Variants in CFAP221 observed in about 807,000 individuals in gnomAD.
CFAP221 encodes cilia- and flagella-associated protein 221.
Under a neutral mutation model 113.1 loss-of-function variants are expected in CFAP221, and 97 were observed. That is an observed-to-expected ratio of 0.86 (90% CI 0.73 to 1.02). The LOEUF (loss-of-function observed/expected upper bound fraction) is 1.02. Ranked by LOEUF, CFAP221 falls within the 50% of genes least tolerant of loss-of-function variation. The probability of loss-of-function intolerance (pLI) is 0.00; values close to 1 mark genes in which losing one functional copy is unlikely to be tolerated. For synonymous variants in CFAP221, 331 were observed against 354.4 expected (o/e 0.93, Z 0.74); for missense variants, 1,025 against 1,013.4 (o/e 1.01, Z -0.16).
At chr2:119,624,720 G>A (rs979241198) in intron 14 of CFAP221, among the ~76,000 whole-genome samples, 1 of 152,198 alleles carries the variant, frequency 6.6e-6, no homozygotes, top group Non-Finnish European at 1.5e-5. Context: ...GTCCTTTGCA[G>A]GGACATGGAT....
rs935442420 is a variant in CFAP221 at position 119,576,945 on chromosome 2, C to A, written c.528-10174C>A. Among the ~76,000 whole-genome samples the A allele has an allele frequency of 1.6e-4, 24 of 152,212 alleles. 1 individual carries two copies. Among genetic ancestry groups the A allele is most frequent in the Admixed American group, 1.4e-3 (21 of 15,278 alleles). ...CTAAAGCTTAAATGAAAATAACTGG[C>A]GAGTTCCCTGACTTTCTTCCTTCTC... On this transcript the variant is annotated intron_variant, in intron 6 of 23. Transcript: ENST00000413369.
Position 119,656,516 on chromosome 2 carries a change from C to A in CFAP221, c.*46C>A. On this transcript the variant is annotated 3_prime_UTR_variant, in exon 24 of 24. Transcript: ENST00000413369. ...CCTTCCATTTGCTTTCCGTGGGCCACTGTGGCCCCTTGCGTCCATTTACAT... is the reference window on the plus strand; with the variant it reads ...CCTTCCATTTGCTTTCCGTGGGCCAATGTGGCCCCTTGCGTCCATTTACAT... 7.3e-7 allele frequency: 1 copy of A among 1,375,056 alleles called. No homozygotes were observed. The highest frequency in any genetic ancestry group is 1.0e-6 in the Non-Finnish European group (1 of 968,872). 85.2% of individuals were successfully genotyped at this position (1,375,056 alleles called of 1,614,324 possible).
intron 14 of CFAP221, among the ~76,000 whole-genome samples, chr2:119,625,380 T>G (rs1686226374): frequency 6.6e-6 from 1 of 152,154 alleles, no homozygotes; most frequent in South Asian, 2.1e-4. Flanking sequence ...ATCTTTTTTG[T>G]ATTCAGGCAA....
chr2:119,587,172 A>G lies in CFAP221; in HGVS notation c.581A>G (p.Tyr194Cys). Residue 194 changes from tyrosine (Y) to cysteine (C), a missense_variant, in exon 7 of 24, where the codon TAT becomes TGT. Physicochemically the swap from Tyr to Cys is radical, Grantham distance 194. Transcript: ENST00000413369. ...QCSCPVDFEF[Y>C]ITLIQSHQAF... is the part of the protein sequence containing the mutation. ...AGCTGCCCTGTAGATTTTGAGTTTTATATCACCTTGATTCAGTCTCATCAA... is the reference window on the plus strand; with the variant it reads ...AGCTGCCCTGTAGATTTTGAGTTTTGTATCACCTTGATTCAGTCTCATCAA... 2.0e-6 allele frequency: 3 copies of G among 1,533,364 alleles called. No homozygotes were observed. The South Asian group carries it at 3.6e-5, about 18-fold the overall frequency. 95.0% of individuals were successfully genotyped at this position (1,533,364 alleles called of 1,614,324 possible).
intron 22 of CFAP221, among the ~76,000 whole-genome samples, chr2:119,651,367 T>C (rs1339875348): frequency 6.6e-6 from 1 of 151,962 alleles, no homozygotes; most frequent in Non-Finnish European, 1.5e-5. Context: ...ATGATTTCTC[T>C]CTTGCTACAA....
intron 6 of CFAP221, chr2:119,572,805 T>A (rs1558924678): frequency 1.9e-6 from 1 of 532,846 alleles, no homozygotes. Context: ...CTGCAGCAAG[T>A]GGACCATGTA....
In CFAP221 at chr2:119,630,772, A is replaced by C. The variant is rs1558979571; in HGVS notation, c.1845A>C (p.Glu615Asp). ...CTGTCCTTGCTCCTTGTTAGGATGA[A>C]GTCACCACCATCACAGCCCTTCCGA... is the stretch of plus-strand genomic sequence containing the variant. The part of the protein sequence containing the change: ...ARALKQGAED[E>D]VTTITALPKQ... Residue 615 changes from glutamate to aspartate, a missense_variant, in exon 19 of 24, where the codon GAA (glutamate) becomes GAC (aspartate). Physicochemically the swap from Glu to Asp is conservative, Grantham distance 45 (BLOSUM62 2). Transcript: ENST00000413369. The C allele has an allele frequency of 1.2e-6, 2 of 1,610,028 alleles. No individual in the cohort carries two copies. The highest frequency in any genetic ancestry group is 1.3e-5 in the African/African-American group (1 of 74,974).
chr2:119,582,021 A>G (rs1286804146), intron 6 of CFAP221, among the ~76,000 whole-genome samples: 1 of 152,222 alleles, frequency 6.6e-6, no homozygotes, highest in African/African-American at 2.4e-5. Flanking sequence ...CAATTAAGGA[A>G]AGATGTGGAG....
In CFAP221 at chr2:119,651,845, CA is replaced by C. The variant is rs549470202; in HGVS notation, c.2319-125del. ...CTTATGCTTCTTTTAATGTAAACAA[CA>C]AAAGTAGATGGAACTAAAGTTGAAT... On this transcript the variant is annotated intron_variant, in intron 22 of 23. Coordinates refer to ENST00000413369, the MANE Select transcript of CFAP221 (RefSeq NM_001271049.2). The C allele has an allele frequency of 1.5e-4, 93 of 621,888 alleles. No individual in the cohort carries two copies. The South Asian group carries it at 2.9e-3, about 19-fold the overall frequency. The allele number at this position is 621,888 out of a possible 1,614,324, so 38.5% of individuals were successfully genotyped here.
At chr2:119,569,164 C>T (rs1306187270) in intron 6 of CFAP221, among the ~76,000 whole-genome samples, 1 of 151,940 alleles carries the variant, frequency 6.6e-6, no homozygotes, top group Non-Finnish European at 1.5e-5. Flanking sequence ...GATGGAGTCT[C>T]GCTCTGTCAC....
chr2:119,588,257 G>T (rs983938082), intron 7 of CFAP221, among the ~76,000 whole-genome samples: 1 of 152,178 alleles, frequency 6.6e-6, no homozygotes, highest in African/African-American at 2.4e-5. Flanking sequence ...GAGCAGTCAT[G>T]ATGGGAGCCG....
intron 6 of CFAP221, among the ~76,000 whole-genome samples, chr2:119,583,055 T>C (rs1052825710): frequency 6.6e-6 from 1 of 152,190 alleles, no homozygotes; most frequent in African/African-American, 2.4e-5. Flanking sequence ...TATCCTGCTT[T>C]CTGGAGACAC....
chr2:119,623,617 A>G (rs1353188863), intron 14 of CFAP221, among the ~76,000 whole-genome samples: 1 of 152,346 alleles, frequency 6.6e-6, no homozygotes, highest in East Asian at 1.9e-4. Flanking sequence ...ACTTCAAACT[A>G]TACTACAAGG....
intron 7 of CFAP221, among the ~76,000 whole-genome samples, chr2:119,599,479 A>G (rs745743512): frequency 4.6e-5 from 7 of 152,222 alleles, no homozygotes; most frequent in Admixed American, 2.6e-4. Flanking sequence ...CCTAAAATTT[A>G]CACTCTAACT....
Position 119,604,163 on chromosome 2 carries a change from A to AGAAT in CFAP221, c.792-507_792-504dup, listed in dbSNP as rs538753285. On this transcript the variant is annotated intron_variant, in intron 8 of 23. Transcript: ENST00000413369. ...ATGTTTTCAGTCAGTATGTTCTTTA[A>AGAAT]GAATGTAAAGCAATGTAATCCCAGC... 4.7e-4 allele frequency among the ~76,000 whole-genome samples: 71 copies of AGAAT among 152,314 alleles called. No individual in the cohort carries two copies. In the South Asian group the frequency reaches 0.014, roughly 30 times the overall value.
chr2:119,558,456 C>T (rs1398047106), intron 3 of CFAP221, among the ~76,000 whole-genome samples: 1 of 152,152 alleles, frequency 6.6e-6, no homozygotes, highest in African/African-American at 2.4e-5. Context: ...AGGGAAGATA[C>T]ACCAAAACAG....
At chr2:119,659,783 C>T (rs1440613848), downstream of CFAP221, among the ~76,000 whole-genome samples, 1 of 152,202 alleles carries the variant, frequency 6.6e-6, no homozygotes, top group African/African-American at 2.4e-5. Flanking sequence ...GCTTAGTGTC[C>T]TTCTCACCTA....
chr2:119,640,869 C>T (rs1687442628), intron 21 of CFAP221, among the ~76,000 whole-genome samples: 1 of 152,206 alleles, frequency 6.6e-6, no homozygotes, highest in African/African-American at 2.4e-5. Context: ...TCAGCCATGC[C>T]CCTTGGCCAA....
intron 18 of CFAP221, 31 bp downstream of exon 18, chr2:119,630,708 T>G: frequency 6.2e-7 from 1 of 1,605,592 alleles, no homozygotes; most frequent in Non-Finnish European, 8.5e-7. Context: ...AGAATCTCTC[T>G]CATCTTTTCC....
Sources: allele counts gnomAD v4.1 joint callset (sites outside exome capture counted in the v4.1 genomes callset), GRCh38; gene constraint gnomAD v4.1.1; transcripts MANE v1.5; gene names NCBI Gene and HGNC (gene_info 2026-07-23, HGNC 2026-07-21).